Variants in ATF7 observed in about 807,000 individuals in gnomAD.
ATF7 encodes the protein cyclic AMP-dependent transcription factor ATF-7.
Under a neutral mutation model 50.4 loss-of-function variants are expected in ATF7, and 10 were observed. That is an observed-to-expected ratio of 0.20 (90% CI 0.12 to 0.34). The LOEUF (loss-of-function observed/expected upper bound fraction) is 0.34. ATF7 is among the 10% of genes least tolerant of loss of function. The pLI, the probability that ATF7 is intolerant of heterozygous loss-of-function variation, is 1.00. For synonymous variants in ATF7, 201 were observed against 226.4 expected (o/e 0.89, Z 1.01); for missense variants, 465 against 613.9 (o/e 0.76, Z 2.56).
intron 2 of ATF7, among the ~76,000 whole-genome samples, chr12:53,592,035 A>C (rs1942964883): frequency 6.6e-6 from 1 of 152,202 alleles, no homozygotes; most frequent in Non-Finnish European, 1.5e-5. Flanking sequence ...TGATGTGAAC[A>C]ACAAGATTTA....
At chr12:53,562,198 A>G (rs530516398) in intron 2 of ATF7, among the ~76,000 whole-genome samples, 3 of 152,334 alleles carry the variant, frequency 2.0e-5, no homozygotes, top group South Asian at 4.1e-4. Context: ...CTCCTCAAGA[A>G]CAAGGATCTC....
chr12:53,552,703 A>T (rs111587212), intron 2 of ATF7, 66 bp from the exon 3 acceptor site: 23 of 1,228,830 alleles, frequency 1.9e-5, no homozygotes, highest in African/African-American at 1.8e-4. Flanking sequence ...TGCCCTTTTA[A>T]AATGTCCTAC....
chr12:53,511,137 T>A (rs1944119537), downstream of ATF7, among the ~76,000 whole-genome samples: 1 of 152,238 alleles, frequency 6.6e-6, no homozygotes, highest in Non-Finnish European at 1.5e-5. Flanking sequence ...ATTGTTCTCA[T>A]TTGTGATGTT....
intron 11 of ATF7, 104 bp from the exon 12 acceptor site, chr12:53,517,458 G>T: frequency 1.8e-6 from 2 of 1,132,034 alleles, no homozygotes; most frequent in Non-Finnish European, 2.5e-6. Flanking sequence ...GCCCAAAAGG[G>T]AAATGAAACC....
rs2137798589 is a variant in ATF7 at position 53,596,225 on chromosome 12, A to G, written c.48+4728T>C. The stretch of plus-strand genomic sequence containing the variant: ...TGAGGCAGGAGAATCACTTGAACCC[A>G]GGAGGTAGAGGTTTCAGTGAGCCGA... On this transcript the variant is annotated intron_variant, in intron 2 of 11. Transcript: ENST00000420353. 1.3e-5 allele frequency among the ~76,000 whole-genome samples: 2 copies of G among 152,264 alleles called. 1 individual carries two copies. Among genetic ancestry groups the G allele is most frequent in the Admixed American group, 1.3e-4 (2 of 15,296 alleles).
chr12:53,533,364 T>C (rs1939020739), intron 6 of ATF7, 105 bp from the exon 7 acceptor site: 2 of 897,958 alleles, frequency 2.2e-6, no homozygotes, highest in Non-Finnish European at 3.5e-6. Context: ...TTAGGGAAGG[T>C]ATAGGGCAGC....
intron 1 of ATF7, among the ~76,000 whole-genome samples, chr12:53,606,889 G>C (rs2137855698): frequency 6.6e-6 from 1 of 152,086 alleles, no homozygotes; most frequent in Non-Finnish European, 1.5e-5. Flanking sequence ...CAAAGGACAT[G>C]AACTCATCAT....
At position 53,537,407 on chromosome 12, in the gene ATF7, G is replaced by T. The variant is rs1309160767; in HGVS notation, c.402+8C>A. 2.5e-6 allele frequency: 4 copies of T among 1,613,342 alleles called. No homozygotes were observed. Among genetic ancestry groups the T allele is most frequent in the Non-Finnish European group, 3.4e-6 (4 of 1,179,684 alleles). On this transcript the variant is annotated splice_region_variant and intron_variant, in intron 5 of 11. Coordinates refer to ENST00000420353, the MANE Select transcript of ATF7 (RefSeq NM_006856.3). The stretch of plus-strand genomic sequence containing the variant: ...AACATTTGAGATGATCCTTGGTAGA[G>T]AATTTACCTTCTCCTTCAGTGGTGG...
chr12:53,538,040 T>C (rs1480022171), intron 4 of ATF7, among the ~76,000 whole-genome samples: 1 of 152,188 alleles, frequency 6.6e-6, no homozygotes, highest in East Asian at 1.9e-4. Context: ...ATGTTTTATG[T>C]ACAATTCTGG....
chr12:53,549,173 G>A (rs1940147217), intron 3 of ATF7, among the ~76,000 whole-genome samples: 1 of 151,946 alleles, frequency 6.6e-6, no homozygotes, highest in East Asian at 1.9e-4. Flanking sequence ...TGTAGTCCCA[G>A]CTACTCGGGA....
Position 53,580,267 on chromosome 12 carries a change from C to CA in ATF7, c.48+20685dup, listed in dbSNP as rs546068667. Among the ~76,000 whole-genome samples, 460 of 106,704 alleles carry CA rather than the reference C, an allele frequency of 4.3e-3. 2 individuals are homozygous for CA. The highest frequency in any genetic ancestry group is 5.2e-3 in the Non-Finnish European group (247 of 47,868). 70.0% of individuals were successfully genotyped at this position (106,704 alleles called of 152,430 possible). A position where few individuals can be genotyped will look rare whatever the true frequency, so the allele number is the denominator to read the frequency against. On this transcript the variant is annotated intron_variant, in intron 2 of 11. Transcript: ENST00000420353. ...TTATCTAATAAAACAAAATTACTGC[C>CA]AAAAAAAAAAAAGAGACAATGTCAG...
chr12:53,517,285 G>A lies in ATF7; in HGVS notation c.1304C>T (p.Ala435Val). ...GCGAACACTGAGGCCATTGCTAGGG[G>A]CTGTTGCTGAGCTGTGCTGAATCAC... ...APVIQHSSATAPSNGLSVRSA... is the reference protein window; with the variant it reads ...APVIQHSSATVPSNGLSVRSA... Residue 435 changes from alanine to valine, a missense_variant, in exon 12 of 12, where the codon GCC becomes GTC. Transcript: ENST00000420353. 1.2e-6 allele frequency: 2 copies of A among 1,614,060 alleles called. No homozygotes were observed. Among genetic ancestry groups the A allele is most frequent in the Non-Finnish European group, 1.7e-6 (2 of 1,179,912 alleles).
intron 1 of ATF7, among the ~76,000 whole-genome samples, chr12:53,604,198 T>C (rs991474764): frequency 1.2e-4 from 19 of 152,148 alleles, no homozygotes; most frequent in African/African-American, 3.4e-4. Flanking sequence ...AAGACAAAGA[T>C]GCATAAAAAA....
chr12:53,508,902 AC>A (rs1944075366), downstream of ATF7, among the ~76,000 whole-genome samples: 1 of 152,028 alleles, frequency 6.6e-6, no homozygotes, highest in Non-Finnish European at 1.5e-5. Flanking sequence ...TATCATTCTG[AC>A]CCCGACTCTG....
rs978739235 is a variant in ATF7 at position 53,531,718 on chromosome 12, T to G, written c.927+26A>C. On this transcript the variant is annotated intron_variant, in intron 9 of 11. Coordinates refer to ENST00000420353, the MANE Select transcript of ATF7 (RefSeq NM_006856.3). ...GACATAAAGATACGTCATAAAGATA[T>G]GACATAAAGAGTAAGAGCCACTGAC... The G allele has an allele frequency of 1.9e-6, 3 of 1,593,468 alleles. No homozygotes were observed. The Admixed American group carries it at 5.3e-5, about 28-fold the overall frequency.
chr12:53,572,776 G>C (rs1014389180), intron 2 of ATF7, among the ~76,000 whole-genome samples: 33 of 151,718 alleles, frequency 2.2e-4, no homozygotes, highest in African/African-American at 7.3e-4. Flanking sequence ...GTGAGACCCT[G>C]CCTCTATTTA....
At chr12:53,595,611 G>A (rs1943120317) in intron 2 of ATF7, among the ~76,000 whole-genome samples, 1 of 152,132 alleles carries the variant, frequency 6.6e-6, no homozygotes, top group African/African-American at 2.4e-5. Context: ...GAGATTTAAG[G>A]GATAATGTTC....
chr12:53,584,635 A>G (rs2137724355), intron 2 of ATF7, among the ~76,000 whole-genome samples: 1 of 152,352 alleles, frequency 6.6e-6, no homozygotes. Flanking sequence ...CTCGGAAGCA[A>G]TGAAGATGTC....
rs532749233 is a variant in ATF7 at position 53,581,980 on chromosome 12, G to A, written c.48+18973C>T. On this transcript the variant is annotated intron_variant, in intron 2 of 11. Transcript: ENST00000420353. ...TCTATAAAAAATAAAAAAATTAGCC[G>A]GGTATGGTGGTGCTCAGGAGGCTGA... 6.6e-5 allele frequency among the ~76,000 whole-genome samples: 10 copies of A among 151,858 alleles called. No individual in the cohort carries two copies. The South Asian group carries it at 1.9e-3, about 28-fold the overall frequency.
Sources: gnomAD v4.1 joint callset for allele counts (sites outside exome capture counted in the v4.1 genomes callset) on GRCh38, gnomAD v4.1.1 for gene constraint, MANE v1.5 for transcripts, NCBI Gene and HGNC (gene_info 2026-07-23, HGNC 2026-07-21) for gene names.